The following SNAPC4 variants were observed in gnomAD, a reference collection of about 807,000 sequenced individuals.
SNAPC4 encodes the protein small nuclear RNA activating complex polypeptide 4, also known as snRNA-activating protein complex subunit 4.
In SNAPC4, 127 loss-of-function variants were observed where a neutral mutation model predicts 151.3. The observed-to-expected ratio is 0.84, with a 90% CI of 0.73 to 0.97. SNAPC4 has a LOEUF of 0.97. Ranked by LOEUF, SNAPC4 falls within the 50% of genes least tolerant of loss-of-function variation. The pLI, the probability that SNAPC4 is intolerant of heterozygous loss-of-function variation, is 0.00. For missense variants in SNAPC4, 2,186 were observed against 1,935.0 expected, an observed-to-expected ratio of 1.13 and a Z score of -2.43; for synonymous variants, 1,002 against 824.4, an observed-to-expected ratio of 1.22 and a Z score of -3.69.
chr9:136,390,268 G>A (rs1834021710), intron 10 of SNAPC4, among the ~76,000 whole-genome samples: 1 of 152,088 alleles, frequency 6.6e-6, no homozygotes, highest in South Asian at 2.1e-4. Flanking sequence ...TGAAAATACA[G>A]GGATGGGCCG....
intron 9 of SNAPC4, 71 bp from the exon 10 acceptor site, chr9:136,392,177 G>T: frequency 6.3e-7 from 1 of 1,575,706 alleles, no homozygotes; most frequent in Non-Finnish European, 8.7e-7. Flanking sequence ...GCTCCAGGCT[G>T]AGCTGTTGCT....
chr9:136,384,017 A>G lies in SNAPC4; in HGVS notation c.1436T>C (p.Ile479Thr), dbSNP rs779571851. 65 of 1,613,636 alleles carry G rather than the reference A, an allele frequency of 4.0e-5. No homozygotes were observed. Among genetic ancestry groups the G allele is most frequent in the Non-Finnish European group, 5.3e-5 (63 of 1,179,918 alleles). Residue 479 changes from isoleucine (I) to threonine (T), a missense_variant, in exon 15 of 24, where the codon ATA becomes ACA. Ile to Thr is a moderately conservative substitution (Grantham distance 89). Coordinates refer to ENST00000684778, the MANE Select transcript of SNAPC4 (RefSeq NM_003086.4). ...EKYGVGHWAK[I>T]ASELPHRSGS... ...AGACCGATGGGGCAGCTCAGAAGCTATTTTTGCCCAGTGACCTGCAAAAGC... is the reference window on the plus strand; with the variant it reads ...AGACCGATGGGGCAGCTCAGAAGCTGTTTTTGCCCAGTGACCTGCAAAAGC...
chr9:136,397,335 G>A (rs1290106084), intron 2 of SNAPC4, among the ~76,000 whole-genome samples: 2 of 151,904 alleles, frequency 1.3e-5, no homozygotes, highest in Non-Finnish European at 2.9e-5. Flanking sequence ...AGCAGAAAAC[G>A]GACCTCTCCT....
In SNAPC4 at chr9:136,388,521, C is replaced by T; in HGVS notation, c.1046G>A (p.Trp349Ter). The T allele has an allele frequency of 6.2e-7, 1 of 1,614,104 alleles. No individual in the cohort carries two copies. Among genetic ancestry groups the T allele is most frequent in the Non-Finnish European group, 8.5e-7 (1 of 1,180,040 alleles). Residue 349 changes from tryptophan to a stop codon, truncating the protein, a stop_gained, in exon 11 of 24, where the codon TGG becomes TAG. Coordinates refer to ENST00000684778, the MANE Select transcript of SNAPC4 (RefSeq NM_003086.4). LOFTEE classifies it high-confidence loss of function. Reference sequence around the variant, plus strand: ...GAGCATGCGGTCCTCCTCCTCTGTCCACTCCTTGCGTTTCAGAGCTTTGTT... The same window carrying T: ...GAGCATGCGGTCCTCCTCCTCTGTCTACTCCTTGCGTTTCAGAGCTTTGTT... ...QHNKALKRKE[W>*]TEEEDRMLTQ...
In SNAPC4 at chr9:136,395,913, C is replaced by A. The variant is rs1406707378; in HGVS notation, c.178-143G>T. 3 of 817,032 alleles carry A rather than the reference C, an allele frequency of 3.7e-6. No individual in the cohort carries two copies. The East Asian group carries it at 7.5e-5, about 20-fold the overall frequency. 50.6% of individuals were successfully genotyped at this position (817,032 alleles called of 1,614,324 possible). A position where few individuals can be genotyped will look rare whatever the true frequency, so the allele number is the denominator to read the frequency against. ...CACCCAATGTGGAAGCAGGAAGTGA[C>A]CCTGGTGGGCAGCGGGAGGGCGTCT... On this transcript the variant is annotated intron_variant, in intron 3 of 23. Coordinates refer to ENST00000684778, the MANE Select transcript of SNAPC4 (RefSeq NM_003086.4).
Position 136,378,801 on chromosome 9 carries a change from A to G in SNAPC4, c.3026T>C (p.Leu1009Pro), listed in dbSNP as rs748280925. 3 of 1,576,972 alleles carry G rather than the reference A, an allele frequency of 1.9e-6. No homozygotes were observed. The highest frequency in any genetic ancestry group is 3.6e-5 in the Admixed American group (2 of 56,316). ...GCTCACAGAGATCTGGCCGGGGCCC[A>G]GGGCAGGGGCTTGGGAAGCAGCAGG... ...TAPAASQAPA[L>P]GPGQISVSCP... is the part of the protein sequence containing the mutation. The change falls in exon 22 of 24, where the codon CTG (leucine) becomes CCG (proline). Residue 1009 changes from leucine to proline, a missense_variant. Coordinates refer to ENST00000684778, the MANE Select transcript of SNAPC4 (RefSeq NM_003086.4).
intron 7 of SNAPC4, among the ~76,000 whole-genome samples, chr9:136,393,197 C>T (rs1226535562): frequency 6.6e-6 from 1 of 152,230 alleles, no homozygotes; most frequent in East Asian, 1.9e-4. Context: ...ACCCAGCTCT[C>T]CCCGAGCCTG....
chr9:136,383,421 C>A lies in SNAPC4; in HGVS notation c.1748G>T (p.Trp583Leu). ...VPARQSTSQP[W>L]RGGAGAWLGG... ...CAGCCAGGCCCCTGCCCCTCCTCTC[C>A]ATGGCTGGCTGGTGCTCTGCCTGGC... is the stretch of plus-strand genomic sequence containing the variant. Residue 583 changes from tryptophan (W) to leucine (L), a missense_variant, in exon 16 of 24, where the codon TGG (tryptophan) becomes TTG (leucine). Transcript: ENST00000684778. This position sits in a 1 kb window ranked among gnomAD's most constrained non-coding sequence, Gnocchi z 4.2. 1 of 1,567,464 alleles carries A rather than the reference C, an allele frequency of 6.4e-7. No homozygotes were observed.
At chr9:136,381,690 G>A (rs1382227064) in intron 18 of SNAPC4, 134 bp downstream of exon 18, 4 of 1,121,204 alleles carry the variant, frequency 3.6e-6, no homozygotes, top group Non-Finnish European at 5.1e-6. Context: ...AAGCTGACCA[G>A]AGGTGGCGCC....
In SNAPC4 at chr9:136,378,976, G is replaced by C. The variant is rs1162467259; in HGVS notation, c.2851C>G (p.Pro951Ala). ...PAPGPTVLNVPLSGPGAPAAA... is the reference protein window; with the variant it reads ...PAPGPTVLNVALSGPGAPAAA... ...GCGGGGGCCCCAGGCCCAGAGAGCG[G>C]TACATTTAAGACGGTGGGACCCGGG... The change falls in exon 22 of 24, where the codon CCG (proline) becomes GCG (alanine). Residue 951 changes from proline (P) to alanine (A), a missense_variant. Physicochemically the swap from Pro to Ala is conservative, Grantham distance 27. Coordinates refer to ENST00000684778, the MANE Select transcript of SNAPC4 (RefSeq NM_003086.4). 1 of 1,608,672 alleles carries C rather than the reference G, an allele frequency of 6.2e-7. No individual in the cohort carries two copies. The highest frequency in any genetic ancestry group is 1.3e-5 in the African/African-American group (1 of 75,054).
chr9:136,383,521 C>T lies in SNAPC4; in HGVS notation c.1648G>A (p.Ala550Thr). The T allele has an allele frequency of 1.3e-6, 2 of 1,591,566 alleles. No individual in the cohort carries two copies. Among genetic ancestry groups the T allele is most frequent in the Non-Finnish European group, 1.7e-6 (2 of 1,169,760 alleles). ...SSSEEDEPEQAQAGEGDRALL... is the reference protein window; with the variant it reads ...SSSEEDEPEQTQAGEGDRALL... ...GCTCTGTCACCCTCCCCGGCCTGCG[C>T]CTGCTCTGGCTCGTCCTCCTCGCTG... The change falls in exon 16 of 24, where the codon GCG becomes ACG. Residue 550 changes from alanine to threonine, a missense_variant. By Grantham distance (58) the Ala-to-Thr change is moderately conservative. Coordinates refer to ENST00000684778, the MANE Select transcript of SNAPC4 (RefSeq NM_003086.4). The surrounding 1 kb of genome is among the most constrained non-coding windows in gnomAD (Gnocchi z 4.2).
chr9:136,395,890 CCCAATGTG>C, intron 3 of SNAPC4, 120 bp from the exon 4 acceptor site: 1 of 994,324 alleles, frequency 1.0e-6, no homozygotes, highest in East Asian at 2.4e-5. Flanking sequence ...CATAGCAACA[CCCAATGTG>C]GAAGCAGGAA....
chr9:136,398,257 G>T, intron 2 of SNAPC4, 42 bp downstream of exon 2: 1 of 1,585,624 alleles, frequency 6.3e-7, no homozygotes, highest in Non-Finnish European at 8.6e-7. Flanking sequence ...CAGACCAGCT[G>T]TTCTTACCAG....
rs1190299599 is a variant in SNAPC4 at position 136,387,836 on chromosome 9, A to G, written c.1136T>C (p.Met379Thr). The change falls in exon 12 of 24, where the codon ATG becomes ACG. Residue 379 changes from methionine (M) to threonine (T), a missense_variant. Coordinates refer to ENST00000684778, the MANE Select transcript of SNAPC4 (RefSeq NM_003086.4). ...HIPYRRIVYY[M>T]EGRDSMQLIY... ...CAGCTGCATGGAGTCTCTCCCTTCC[A>G]TATAGTAGACAACTAGGGACAGAGG... 3 of 1,596,884 alleles carry G rather than the reference A, an allele frequency of 1.9e-6. No homozygotes were observed. The highest frequency in any genetic ancestry group is 2.6e-6 in the Non-Finnish European group (3 of 1,164,548).
At position 136,398,292 on chromosome 9, in the gene SNAPC4, G is replaced by A. The variant is rs1834342512; in HGVS notation, c.130+7C>T. 1 of 1,612,216 alleles carries A rather than the reference G, an allele frequency of 6.2e-7. No homozygotes were observed. The highest frequency in any genetic ancestry group is 8.5e-7 in the Non-Finnish European group (1 of 1,178,712). Reference sequence around the variant, plus strand: ...GGACCCCAGGAGGCTAGGTACAAGGGGCTTACCTGCTTCAGAATCTGACTC... The same window carrying A: ...GGACCCCAGGAGGCTAGGTACAAGGAGCTTACCTGCTTCAGAATCTGACTC... On this transcript the variant is annotated splice_region_variant and intron_variant, in intron 2 of 23. Coordinates refer to ENST00000684778, the MANE Select transcript of SNAPC4 (RefSeq NM_003086.4).
chr9:136,387,880 G>T, intron 11 of SNAPC4, 32 bp from the exon 12 acceptor site: 1 of 1,234,146 alleles, frequency 8.1e-7, no homozygotes, highest in Non-Finnish European at 1.2e-6. Context: ...GGTCCTGTGG[G>T]GCCGAGACAC....
In SNAPC4 at chr9:136,383,289, G is replaced by A. The variant is rs756858348; in HGVS notation, c.1880C>T (p.Pro627Leu). Residue 627 changes from proline to leucine, a missense_variant, in exon 16 of 24, where the codon CCG becomes CTG. Physicochemically the swap from Pro to Leu is moderately conservative, Grantham distance 98. Transcript: ENST00000684778. The surrounding 1 kb of genome is among the most constrained non-coding windows in gnomAD (Gnocchi z 4.2). ...TAAAPGEETS[P>L]VQVPARAHGP... ...GTGGGCCCTGGCAGGGACCTGCACC[G>A]GACTCGTCTCCTCTCCAGGAGCCGC... The A allele has an allele frequency of 8.1e-6, 13 of 1,612,176 alleles. No individual in the cohort carries two copies. Among genetic ancestry groups the A allele is most frequent in the African/African-American group, 1.3e-5 (1 of 75,060 alleles).
chr9:136,383,807 C>A lies in SNAPC4; in HGVS notation c.1501-139G>T. On this transcript the variant is annotated intron_variant, in intron 15 of 23. Coordinates refer to ENST00000684778, the MANE Select transcript of SNAPC4 (RefSeq NM_003086.4). The surrounding 1 kb of genome is among the most constrained non-coding windows in gnomAD (Gnocchi z 4.2). Reference sequence around the variant, plus strand: ...AGAGCAGCCGCTGCCGAGGCAGGGTCTCCCTTTGCCCTTGGCCACCCAGAA... The same window carrying A: ...AGAGCAGCCGCTGCCGAGGCAGGGTATCCCTTTGCCCTTGGCCACCCAGAA... 7.4e-7 allele frequency: 1 copy of A among 1,354,058 alleles called. No individual in the cohort carries two copies. 83.9% of individuals were successfully genotyped at this position (1,354,058 alleles called of 1,614,324 possible).
intron 13 of SNAPC4, among the ~76,000 whole-genome samples, chr9:136,386,893 C>T (rs757460837): frequency 6.4e-4 from 97 of 152,186 alleles, no homozygotes; most frequent in Non-Finnish European, 1.2e-3. Context: ...GCTGGGATTA[C>T]AGGCGCCACC....
Sources: allele counts gnomAD v4.1 joint callset (sites outside exome capture counted in the v4.1 genomes callset), GRCh38; gene constraint gnomAD v4.1.1; non-coding constraint Gnocchi (gnomAD v3.1); transcripts MANE v1.5; gene names NCBI Gene and HGNC (gene_info 2026-07-23, HGNC 2026-07-21).